The following GEMIN5 variants were observed in gnomAD, a reference collection of about 807,000 sequenced individuals.
GEMIN5 encodes gem-associated protein 5.
GEMIN5 carries 124 observed loss-of-function variants against 176.9 expected under a neutral mutation model. That is an observed-to-expected ratio of 0.70 (90% CI 0.61 to 0.81). The LOEUF is 0.81. Among genes scored for constraint, GEMIN5 ranks in the 40% least tolerant of loss-of-function variants. The pLI, the probability that GEMIN5 is intolerant of heterozygous loss-of-function variation, is 0.00. For missense variants in GEMIN5, 1,843 were observed against 1,814.6 expected (o/e 1.02, Z -0.28); for synonymous variants, 673 against 665.2 (o/e 1.01, Z -0.18).
Position 154,903,079 on chromosome 5 carries a change from C to T in GEMIN5, c.2728+1G>A. ...GATTATGTTGACTGGATTTGTCTCA[C>T]CTTCAATATCAATCATTCTATACAG... On this transcript the variant is annotated splice_donor_variant, in intron 19 of 27. Coordinates refer to ENST00000285873, the MANE Select transcript of GEMIN5 (RefSeq NM_015465.5). LOFTEE classifies it high-confidence loss of function. 1.3e-6 allele frequency: 2 copies of T among 1,571,472 alleles called. No homozygotes were observed. The highest frequency in any genetic ancestry group is 1.1e-5 in the South Asian group (1 of 88,626).
Position 154,899,220 on chromosome 5 carries a change from T to C in GEMIN5, c.3105A>G (p.Arg1035=). 1 of 1,612,704 alleles carries C rather than the reference T, an allele frequency of 6.2e-7. No individual in the cohort carries two copies. Among genetic ancestry groups the C allele is most frequent in the South Asian group, 1.1e-5 (1 of 90,570 alleles). Residue 1035 remains arginine (R), a synonymous_variant, in exon 22 of 28, where the codon AGA becomes AGG. Coordinates refer to ENST00000285873, the MANE Select transcript of GEMIN5 (RefSeq NM_015465.5). ...TGGCAGCTACAGCATAGTGGCCATCTCTTTCTAGGACGGTTCCCCAGCTGA... is the reference window on the plus strand; with the variant it reads ...TGGCAGCTACAGCATAGTGGCCATCCCTTTCTAGGACGGTTCCCCAGCTGA... ...LYLSWGTVLE[R]DGHYAVAAKC...
intron 3 of GEMIN5, 111 bp downstream of exon 3, chr5:154,935,730 A>G: frequency 6.9e-6 from 5 of 720,544 alleles, no homozygotes; most frequent in Non-Finnish European, 1.2e-5. Context: ...GGAGTGGTTA[A>G]CATCTGTAGA....
chr5:154,897,931 T>TTTG (rs1763385144), intron 23 of GEMIN5, among the ~76,000 whole-genome samples: 1 of 150,226 alleles, frequency 6.7e-6, no homozygotes, highest in East Asian at 1.9e-4. Flanking sequence ...TTTTTTTTTT[T>TTTG]GAGACAGAGT....
At position 154,892,390 on chromosome 5, in the gene GEMIN5, C is replaced by T; in HGVS notation, c.3757G>A (p.Asp1253Asn). ...MQEVYSAFLP[D>N]GCDHLRDKLG... ...CAGGCAGCAGGAAGTCACTTACCGT[C>T]AGGGAGAAAGGCTGAGTACACTTCC... The change falls in exon 25 of 28, where the codon GAC (aspartate) becomes AAC (asparagine). Residue 1253 changes from aspartate to asparagine, a missense_variant. Asp to Asn is a conservative substitution (Grantham distance 23). Transcript: ENST00000285873. 1 of 1,613,136 alleles carries T rather than the reference C, an allele frequency of 6.2e-7. No homozygotes were observed. Among genetic ancestry groups the T allele is most frequent in the Non-Finnish European group, 8.5e-7 (1 of 1,179,260 alleles).
chr5:154,934,314 G>A, intron 3 of GEMIN5, among the ~76,000 whole-genome samples: 1 of 152,144 alleles, frequency 6.6e-6, no homozygotes, highest in Non-Finnish European at 1.5e-5. Context: ...AGCCTCCCTA[G>A]TAGCTGGGAT....
rs768307686 is a variant in GEMIN5, at chr5:154,938,181, G to T, written c.-48C>A. On this transcript the variant is annotated 5_prime_UTR_variant, in exon 1 of 28. Coordinates refer to ENST00000285873, the MANE Select transcript of GEMIN5 (RefSeq NM_015465.5). ...GAGAAGCTGCCACAGCCGACCGCTCGTAGCCTCACGCCTTAGGTAGGGAGC... is the reference window on the plus strand; with the variant it reads ...GAGAAGCTGCCACAGCCGACCGCTCTTAGCCTCACGCCTTAGGTAGGGAGC... The T allele has an allele frequency of 4.7e-5, 61 of 1,303,136 alleles. No homozygotes were observed. Among genetic ancestry groups the T allele is most frequent in the Non-Finnish European group, 6.0e-5 (61 of 1,013,146 alleles). 80.7% of individuals were successfully genotyped at this position (1,303,136 alleles called of 1,614,324 possible). A position where few individuals can be genotyped will look rare whatever the true frequency, so the allele number is the denominator to read the frequency against.
intron 27 of GEMIN5, 58 bp downstream of exon 27, chr5:154,889,263 T>G: frequency 2.3e-6 from 2 of 851,614 alleles, no homozygotes; most frequent in Admixed American, 1.7e-5. Flanking sequence ...GAATGTGGTA[T>G]AGTCAAGTGA....
rs189643507 is a variant in GEMIN5 at position 154,922,314 on chromosome 5, C to A, written c.1380-889G>T. On this transcript the variant is annotated intron_variant, in intron 9 of 27. Coordinates refer to ENST00000285873, the MANE Select transcript of GEMIN5 (RefSeq NM_015465.5). The stretch of plus-strand genomic sequence containing the variant: ...TCTGGAGTAGCTGGGACTACAGGCA[C>A]CTGCCACCAAGCCCGGCTAATTTTT... 1.8e-3 allele frequency among the ~76,000 whole-genome samples: 278 copies of A among 152,200 alleles called. 4 individuals carry two copies. The East Asian group carries it at 0.024, about 13-fold the overall frequency.
chr5:154,904,035 A>G (rs1212951290), intron 18 of GEMIN5, among the ~76,000 whole-genome samples: 3 of 152,178 alleles, frequency 2.0e-5, no homozygotes, highest in Non-Finnish European at 4.4e-5. Flanking sequence ...AGACTTTGAA[A>G]AACAAAAATA....
chr5:154,932,341 A>C, intron 3 of GEMIN5, 91 bp from the exon 4 acceptor site: 1 of 884,102 alleles, frequency 1.1e-6, no homozygotes, highest in Non-Finnish European at 1.8e-6. Flanking sequence ...CCATTGGCGC[A>C]TTCCTTAAAG....
At chr5:154,924,888 C>G (rs1391898802) in intron 8 of GEMIN5, among the ~76,000 whole-genome samples, 1 of 151,966 alleles carries the variant, frequency 6.6e-6, no homozygotes, top group East Asian at 1.9e-4. Context: ...ACTCGGGAGG[C>G]TGAGGCAGGA....
intron 16 of GEMIN5, among the ~76,000 whole-genome samples, chr5:154,906,913 C>T (rs564693061): frequency 6.6e-6 from 1 of 152,122 alleles, no homozygotes; most frequent in Non-Finnish European, 1.5e-5. Context: ...GCTATTTAAT[C>T]GTTTATTTTA....
At chr5:154,894,424 T>C (rs1331455802) in intron 24 of GEMIN5, among the ~76,000 whole-genome samples, 1 of 152,236 alleles carries the variant, frequency 6.6e-6, no homozygotes, top group East Asian at 1.9e-4. Context: ...TTTAGTGGAA[T>C]ATCTAGGTAG....
chr5:154,901,437 C>T lies in GEMIN5; in HGVS notation c.2916G>A (p.Leu972=), dbSNP rs1209447726. ...CCTTGACATACTGATCCTGAAAACA[C>T]AGCTGTTTGGCAAAAGCTTCCACAG... The part of the protein sequence containing the change: ...LWAVEAFAKQ[L]CFQDQYVKAA... The change falls in exon 21 of 28, where the codon CTG becomes CTA. Residue 972 remains leucine, a synonymous_variant. Transcript: ENST00000285873. 1 of 1,613,778 alleles carries T rather than the reference C, an allele frequency of 6.2e-7. No individual in the cohort carries two copies. The highest frequency in any genetic ancestry group is 1.3e-5 in the African/African-American group (1 of 74,908).
chr5:154,894,771 G>C (rs571207480), intron 24 of GEMIN5, among the ~76,000 whole-genome samples: 22 of 152,308 alleles, frequency 1.4e-4, no homozygotes, highest in Non-Finnish European at 2.4e-4. Context: ...GCCGGGCATG[G>C]TGGCAGGTGC....
rs962372979 is a variant in GEMIN5, at chr5:154,888,088, A to C, written c.*122T>G. 3.7e-5 allele frequency: 33 copies of C among 893,952 alleles called. No homozygotes were observed. Among genetic ancestry groups the C allele is most frequent in the Non-Finnish European group, 4.6e-5 (26 of 561,080 alleles). 55.4% of individuals were successfully genotyped at this position (893,952 alleles called of 1,614,324 possible). On this transcript the variant is annotated 3_prime_UTR_variant, in exon 28 of 28. Transcript: ENST00000285873. The stretch of plus-strand genomic sequence containing the variant: ...TGATTCAAACTTAATCCTTGTTTGT[A>C]TTCTTTTGGATTACTGCAAAAACAT...
intron 23 of GEMIN5, among the ~76,000 whole-genome samples, chr5:154,897,924 T>TTG (rs1199154198): frequency 2.9e-4 from 44 of 149,694 alleles, no homozygotes; most frequent in Non-Finnish European, 5.1e-4. Flanking sequence ...GTTTTTTTTT[T>TTG]TTTTTTTGAG....
At chr5:154,895,147 T>G (rs1763322928) in intron 24 of GEMIN5, among the ~76,000 whole-genome samples, 1 of 151,942 alleles carries the variant, frequency 6.6e-6, no homozygotes. Context: ...TTTCAAAGTA[T>G]ATACCATTTG....
chr5:154,923,207 T>A lies in GEMIN5; in HGVS notation c.1379+1262A>T, dbSNP rs554801392. ...GCCTGACCAACACGGAGAAACCCTGTCTGTCTCTACTAAAGATACAAAATT... is the reference window on the plus strand; with the variant it reads ...GCCTGACCAACACGGAGAAACCCTGACTGTCTCTACTAAAGATACAAAATT... On this transcript the variant is annotated intron_variant, in intron 9 of 27. Transcript: ENST00000285873. 1.4e-4 allele frequency among the ~76,000 whole-genome samples: 22 copies of A among 152,178 alleles called. No individual in the cohort carries two copies. In the South Asian group the frequency reaches 4.6e-3, roughly 32 times the overall value.
Sources: allele counts gnomAD v4.1 joint callset (sites outside exome capture counted in the v4.1 genomes callset), GRCh38; gene constraint gnomAD v4.1.1; transcripts MANE v1.5; gene names NCBI Gene and HGNC (gene_info 2026-07-23, HGNC 2026-07-21).